Variants in DLG2 observed in about 807,000 individuals in gnomAD.
DLG2 encodes the protein discs large MAGUK scaffold protein 2, also known as disks large homolog 2.
DLG2 carries 45 observed loss-of-function variants against 132.5 expected under a neutral mutation model. That is an observed-to-expected ratio of 0.34 (90% CI 0.27 to 0.44). The LOEUF (loss-of-function observed/expected upper bound fraction) is 0.44. Among genes scored for constraint, DLG2 ranks in the 20% least tolerant of loss-of-function variants. DLG2 has a pLI of 1.00. For missense variants in DLG2, 1,045 were observed against 1,196.9 expected, an observed-to-expected ratio of 0.87 and a Z score of 1.87; for synonymous variants, 424 against 419.6, an observed-to-expected ratio of 1.01 and a Z score of -0.13.
rs544031381 is a variant in DLG2, at chr11:84,862,419, T to C, written c.357+249242A>G. Among the ~76,000 whole-genome samples the C allele has an allele frequency of 2.0e-5, 3 of 152,222 alleles. No homozygotes were observed. In the East Asian group the frequency reaches 5.8e-4, roughly 30 times the overall value. ...TTGTGGAAGACAGTGTGGCGATTCC[T>C]CAAGGATCTAGAACCAGAAATACCA... On this transcript the variant is annotated intron_variant, in intron 6 of 27. Transcript: ENST00000376104.
At chr11:83,597,624 C>CAA (rs35302376) in intron 19 of DLG2, among the ~76,000 whole-genome samples, 75 of 148,710 alleles carry the variant, frequency 5.0e-4, no homozygotes, top group African/African-American at 1.3e-3. Flanking sequence ...ATCTCTACCC[C>CAA]AAAAAAAAAA....
intron 7 of DLG2, among the ~76,000 whole-genome samples, chr11:84,457,375 C>T (rs149604730): frequency 2.0e-5 from 3 of 150,466 alleles, no homozygotes; most frequent in Non-Finnish European, 3.0e-5. Context: ...AATAACAACT[C>T]GATAAATGGA....
chr11:84,509,626 TAGAA>T (rs2154513697), intron 7 of DLG2, among the ~76,000 whole-genome samples: 1 of 152,138 alleles, frequency 6.6e-6, no homozygotes, highest in South Asian at 2.1e-4. Context: ...ACCCAACAAA[TAGAA>T]AGACTAAATT....
At chr11:85,124,737 A>G (rs1286136234) in intron 5 of DLG2, among the ~76,000 whole-genome samples, 2 of 152,328 alleles carry the variant, frequency 1.3e-5, no homozygotes, top group Admixed American at 1.3e-4. Context: ...CAAACATTCA[A>G]ATTAAATAAT....
intron 3 of DLG2, among the ~76,000 whole-genome samples, chr11:85,404,147 G>A (rs532275563): frequency 8.7e-4 from 133 of 152,126 alleles, no homozygotes; most frequent in African/African-American, 2.9e-3. Context: ...TAGGATCCAC[G>A]TTATGATACT....
chr11:83,851,788 C>T (rs796692960), intron 16 of DLG2, among the ~76,000 whole-genome samples: 10 of 151,908 alleles, frequency 6.6e-5, no homozygotes, highest in African/African-American at 1.7e-4. Context: ...GGCATGGTGG[C>T]GGGCACCTGT....
At chr11:83,573,015 T>C (rs972997655) in intron 19 of DLG2, among the ~76,000 whole-genome samples, 1 of 152,226 alleles carries the variant, frequency 6.6e-6, no homozygotes, top group African/African-American at 2.4e-5. Flanking sequence ...TCATGTGCCA[T>C]TTAGTTTTTT....
chr11:83,568,012 A>G (rs1204833581), intron 19 of DLG2, among the ~76,000 whole-genome samples: 1 of 152,156 alleles, frequency 6.6e-6, no homozygotes. Context: ...GATCTTATAT[A>G]TGTAAATAAG....
intron 6 of DLG2, among the ~76,000 whole-genome samples, chr11:84,661,914 C>A (rs1340955933): frequency 6.6e-6 from 1 of 152,148 alleles, no homozygotes; most frequent in East Asian, 1.9e-4. Context: ...ACAAGACATA[C>A]TGAATTAACG....
At chr11:84,138,150 T>C (rs1350080569) in intron 9 of DLG2, among the ~76,000 whole-genome samples, 2 of 152,294 alleles carry the variant, frequency 1.3e-5, no homozygotes, top group East Asian at 3.9e-4. Flanking sequence ...TGCAATCTTA[T>C]ACTAGTTACT....
intron 11 of DLG2, among the ~76,000 whole-genome samples, chr11:84,027,309 T>A (rs1219541535): frequency 6.6e-6 from 1 of 152,150 alleles, no homozygotes; most frequent in Non-Finnish European, 1.5e-5. Context: ...TGGCAACTAC[T>A]AACTCATGTT....
chr11:84,522,181 C>CAAAAAAAAAA, intron 7 of DLG2, among the ~76,000 whole-genome samples: 1 of 93,040 alleles, frequency 1.1e-5, no homozygotes, highest in Non-Finnish European at 2.4e-5. Context: ...AACGAACAAA[C>CAAAAAAAAAA]AAAAAAAAAA....
At chr11:85,028,284 G>A (rs570423) in intron 6 of DLG2, among the ~76,000 whole-genome samples, 22,272 of 152,094 alleles carry the variant, frequency 0.15, 1,758 homozygotes, top group South Asian at 0.27. Context: ...AAGTGTGTGC[G>A]GATTGGTCCA....
At chr11:83,855,312 T>C (rs1000352794) in intron 16 of DLG2, among the ~76,000 whole-genome samples, 1 of 152,206 alleles carries the variant, frequency 6.6e-6, no homozygotes, top group African/African-American at 2.4e-5. Flanking sequence ...ATTGTGCTCC[T>C]TGGTATTTCT....
intron 4 of DLG2, among the ~76,000 whole-genome samples, chr11:85,156,019 T>C (rs529330880): frequency 5.9e-5 from 9 of 152,132 alleles, no homozygotes; most frequent in African/African-American, 1.7e-4. Flanking sequence ...GTTTCTAAGA[T>C]TCACTCTAAA....
At position 83,906,053 on chromosome 11, in the gene DLG2, G is replaced by GTCTC. The variant is rs57799505; in HGVS notation, c.1496+24271_1496+24274dup. Among the ~76,000 whole-genome samples the GTCTC allele has an allele frequency of 2.0e-3, 252 of 128,738 alleles. 2 individuals are homozygous for GTCTC. Among genetic ancestry groups the GTCTC allele is most frequent in the Middle Eastern group, 8.1e-3 (2 of 246 alleles). The allele number at this position is 128,738 out of a possible 152,430, so 84.5% of individuals were successfully genotyped here. A position where few individuals can be genotyped will look rare whatever the true frequency, so the allele number is the denominator to read the frequency against. ...TGCTATATCAGATGTCTGTCTGTCT[G>GTCTC]TCTCTCTCTCTCTCTCTCTCTCTCT... On this transcript the variant is annotated intron_variant, in intron 15 of 27. Transcript: ENST00000376104.
chr11:85,415,237 A>G (rs1381404359), intron 3 of DLG2, among the ~76,000 whole-genome samples: 1 of 152,058 alleles, frequency 6.6e-6, no homozygotes, highest in Non-Finnish European at 1.5e-5. Flanking sequence ...TATGTGCCAC[A>G]TTTTCTTTAT....
intron 6 of DLG2, among the ~76,000 whole-genome samples, chr11:84,589,569 A>G (rs1400892297): frequency 6.6e-6 from 1 of 152,202 alleles, no homozygotes; most frequent in Non-Finnish European, 1.5e-5. Context: ...AGGGTTAAAC[A>G]TTAAAAAAAA....
At chr11:84,516,066 C>T (rs2099271947) in intron 7 of DLG2, among the ~76,000 whole-genome samples, 1 of 151,042 alleles carries the variant, frequency 6.6e-6, no homozygotes, top group South Asian at 2.1e-4. Context: ...TATACAAAAA[C>T]CGACAGAATA....
Sources: gnomAD v4.1 joint callset for allele counts (sites outside exome capture counted in the v4.1 genomes callset) on GRCh38, gnomAD v4.1.1 for gene constraint, MANE v1.5 for transcripts, NCBI Gene and HGNC (gene_info 2026-07-23, HGNC 2026-07-21) for gene names.